PSG6: variants seen among roughly 807,000 people sequenced by gnomAD.
PSG6 encodes pregnancy specific beta-1-glycoprotein 6.
Under a neutral mutation model 43.3 loss-of-function variants are expected in PSG6, and 51 were observed. That is an observed-to-expected ratio of 1.18 (90% CI 0.94 to 1.49). The LOEUF is 1.49. Among genes scored for constraint, PSG6 ranks in the 40% most tolerant of loss-of-function variants. The pLI is 0.00. For missense variants in PSG6, 770 were observed against 522.2 expected, an observed-to-expected ratio of 1.47 and a Z score of -4.62; for synonymous variants, 292 against 197.6, an observed-to-expected ratio of 1.48 and a Z score of -4.01.
At chr19:42,913,331 T>C (rs1972263560) in intron 2 of PSG6, among the ~76,000 whole-genome samples, 1 of 151,576 alleles carries the variant, frequency 6.6e-6, no homozygotes, top group Non-Finnish European at 1.5e-5. Context: ...TTTGTATTTT[T>C]AGTAGAGACG....
chr19:42,916,631 G>A, intron 1 of PSG6, 144 bp from the exon 2 acceptor site: 1 of 1,286,736 alleles, frequency 7.8e-7, no homozygotes. Flanking sequence ...CACACAAAAG[G>A]GCATGTGTGT....
In PSG6 at chr19:42,916,153, T is replaced by C. The variant is rs748958142; in HGVS notation, c.399A>G (p.Val133=). 3.7e-6 allele frequency: 6 copies of C among 1,611,952 alleles called. No individual in the cohort carries two copies. In the South Asian group the frequency reaches 6.6e-5, roughly 18 times the overall value. Residue 133 remains valine, a synonymous_variant, in exon 2 of 6, where the codon GTA becomes GTG. Transcript: ENST00000187910. ...ATAAGGTGACAGTGAAATATCCAGT[T>C]ACTCCTCCAGTCCCATCGCCTCGCT... ...IIKRGDGTGG[V]TGYFTVTLYS...
chr19:42,907,145 T>C lies in PSG6; in HGVS notation c.1017A>G (p.Ser339=). The part of the protein sequence containing the change: ...YGPDLPRIYP[S]FTYYRSGENL... ...TTTCTCCTGAACGGTAATAGGTGAA[T>C]GAAGGGTAAATTCTGGGGAGGTCTG... Residue 339 remains serine (S), a synonymous_variant, in exon 5 of 6, where the codon TCA becomes TCG. Coordinates refer to ENST00000187910, the MANE Select transcript of PSG6 (RefSeq NM_001031850.4). 2 of 1,612,578 alleles carry C rather than the reference T, an allele frequency of 1.2e-6. No homozygotes were observed. Among genetic ancestry groups the C allele is most frequent in the Admixed American group, 1.7e-5 (1 of 59,926 alleles).
chr19:42,912,795 A>C (rs910595585), intron 2 of PSG6, among the ~76,000 whole-genome samples: 14 of 151,596 alleles, frequency 9.2e-5, no homozygotes, highest in Non-Finnish European at 5.9e-5. Flanking sequence ...CACACGAAGA[A>C]CTCCAACTTA....
In PSG6 at chr19:42,902,372, C is replaced by A. The variant is rs1210477300; in HGVS notation, c.*40G>T. 6.2e-6 allele frequency: 10 copies of A among 1,605,096 alleles called. No individual in the cohort carries two copies. Among genetic ancestry groups the A allele is most frequent in the Non-Finnish European group, 8.5e-6 (10 of 1,174,142 alleles). Reference sequence around the variant, plus strand: ...TTTGTCTTGAATTTCATGAAGGTATCAACCTGTTCTTTTTCTCAGTGTCTC... The same window carrying A: ...TTTGTCTTGAATTTCATGAAGGTATAAACCTGTTCTTTTTCTCAGTGTCTC... On this transcript the variant is annotated 3_prime_UTR_variant, in exon 6 of 6. Transcript: ENST00000187910.
In PSG6 at chr19:42,911,986, G is replaced by A. The variant is rs572795636; in HGVS notation, c.428-1128C>T. 5.3e-5 allele frequency among the ~76,000 whole-genome samples: 8 copies of A among 151,618 alleles called. 1 individual carries two copies. The East Asian group carries it at 1.2e-3, about 22-fold the overall frequency. On this transcript the variant is annotated intron_variant, in intron 2 of 5. Coordinates refer to ENST00000187910, the MANE Select transcript of PSG6 (RefSeq NM_001031850.4). ...TTCTAGAGATCTCCTGTGCAGCCTC[G>A]TGCCTATACTTCATGCAGATACAGT...
intron 2 of PSG6, among the ~76,000 whole-genome samples, chr19:42,911,424 G>C (rs1015271119): frequency 1.3e-5 from 2 of 151,322 alleles, no homozygotes; most frequent in Non-Finnish European, 2.9e-5. Flanking sequence ...TCAGTCATCA[G>C]GCAGTGGAGC....
chr19:42,903,061 G>T (rs555668467), intron 5 of PSG6, among the ~76,000 whole-genome samples: 12 of 151,684 alleles, frequency 7.9e-5, no homozygotes, highest in African/African-American at 2.2e-4. Flanking sequence ...CAGAAGCTTA[G>T]CATGGTGTAA....
chr19:42,903,630 T>G (rs950257987), intron 5 of PSG6: 4 of 1,498,962 alleles, frequency 2.7e-6, no homozygotes, highest in Non-Finnish European at 3.6e-6. Flanking sequence ...GTGGGTCATG[T>G]TTTAATCCTA....
At chr19:42,907,468 G>T in intron 4 of PSG6, 108 bp downstream of exon 4, 4 of 1,556,778 alleles carry the variant, frequency 2.6e-6, no homozygotes, top group Non-Finnish European at 3.5e-6. Context: ...CTGATGTCCA[G>T]AAGTAAAGTT....
rs537110598 is a variant in PSG6, at chr19:42,906,700, C to G, written c.1240+222G>C. ...GCTCAGGGCTGATAAAGCCCCCTCC[C>G]TACCTTTCTCAGGCCAGACACAAGG... On this transcript the variant is annotated intron_variant, in intron 5 of 5. Coordinates refer to ENST00000187910, the MANE Select transcript of PSG6 (RefSeq NM_001031850.4). 70 of 1,468,038 alleles carry G rather than the reference C, an allele frequency of 4.8e-5. 2 individuals are homozygous for G. In the African/African-American group the frequency reaches 7.1e-4, roughly 15 times the overall value. 90.9% of individuals were successfully genotyped at this position (1,468,038 alleles called of 1,614,324 possible).
chr19:42,907,250 A>T, intron 4 of PSG6, 74 bp from the exon 5 acceptor site: 1 of 1,557,500 alleles, frequency 6.4e-7, no homozygotes, highest in African/African-American at 1.4e-5. Flanking sequence ...TTAAAGGGAC[A>T]CAGTGACCCT....
chr19:42,917,013 C>T (rs1972349057), intron 1 of PSG6, among the ~76,000 whole-genome samples: 2 of 151,470 alleles, frequency 1.3e-5, no homozygotes, highest in Non-Finnish European at 2.9e-5. Flanking sequence ...CACCCCAGTG[C>T]CTGGAACAGG....
intron 5 of PSG6, among the ~76,000 whole-genome samples, chr19:42,906,019 T>C (rs1246661063): frequency 3.3e-5 from 5 of 151,586 alleles, no homozygotes; most frequent in Non-Finnish European, 4.4e-5. Flanking sequence ...AACACTAAAT[T>C]GCACACTTAG....
chr19:42,907,486 C>T, intron 4 of PSG6, 90 bp downstream of exon 4: 3 of 1,577,262 alleles, frequency 1.9e-6, no homozygotes, highest in Non-Finnish European at 2.6e-6. Context: ...GTTGTCTATA[C>T]TTGGACCGGA....
chr19:42,916,575 A>C (rs1972339397), intron 1 of PSG6, 88 bp from the exon 2 acceptor site: 6 of 1,496,674 alleles, frequency 4.0e-6, no homozygotes, highest in Admixed American at 4.1e-5. Context: ...AGGTCTCTTC[A>C]ATCATCAGCC....
Position 42,906,955 on chromosome 19 carries a change from C to G in PSG6, c.1207G>C (p.Glu403Gln). Reference sequence around the variant, plus strand: ...TTGACTATCATGGATTTGGAGATTTCCTTGCCAGTGGCTGAGTTACGAACA... The same window carrying G: ...TTGACTATCATGGATTTGGAGATTTGCTTGCCAGTGGCTGAGTTACGAACA... The part of the protein sequence containing the change: ...CSVRNSATGK[E>Q]ISKSMIVKVS... Residue 403 changes from glutamate (E) to glutamine (Q), a missense_variant, in exon 5 of 6, where the codon GAA (glutamate) becomes CAA (glutamine). Coordinates refer to ENST00000187910, the MANE Select transcript of PSG6 (RefSeq NM_001031850.4). 1 of 1,612,372 alleles carries G rather than the reference C, an allele frequency of 6.2e-7. No homozygotes were observed. The highest frequency in any genetic ancestry group is 8.5e-7 in the Non-Finnish European group (1 of 1,179,096).
chr19:42,907,441 G>A, intron 4 of PSG6, 135 bp downstream of exon 4: 2 of 1,518,252 alleles, frequency 1.3e-6, no homozygotes, highest in Non-Finnish European at 8.8e-7. Flanking sequence ...TCCCAGGGCA[G>A]GGAGTCATGG....
chr19:42,903,898 T>C (rs1172210233), intron 5 of PSG6, among the ~76,000 whole-genome samples: 1 of 151,446 alleles, frequency 6.6e-6, no homozygotes, highest in African/African-American at 2.4e-5. Flanking sequence ...AGCCTGTCTC[T>C]CTGTCTTAAA....
Sources: allele counts gnomAD v4.1 joint callset (sites outside exome capture counted in the v4.1 genomes callset), GRCh38; gene constraint gnomAD v4.1.1; transcripts MANE v1.5; gene names NCBI Gene and HGNC (gene_info 2026-07-23, HGNC 2026-07-21).